FAM174A: variants seen among roughly 807,000 people sequenced by gnomAD.
The protein encoded by FAM174A is family with sequence similarity 174 member A, also known as membrane protein FAM174A.
FAM174A carries 14 observed loss-of-function variants against 14.3 expected under a neutral mutation model. That is an observed-to-expected ratio of 0.98 (90% confidence interval 0.65 to 1.53). FAM174A has a LOEUF of 1.53. Ranked by LOEUF, FAM174A falls within the 40% of genes most tolerant of loss-of-function variation. FAM174A has a pLI of 0.00. For missense variants in FAM174A, 241 were observed against 249.6 expected (o/e 0.97, Z 0.23); for synonymous variants, 108 against 111.4 (o/e 0.97, Z 0.19).
chr5:100,556,064 T>G (rs1043523947), intron 1 of FAM174A, among the ~76,000 whole-genome samples: 8 of 152,244 alleles, frequency 5.3e-5, no homozygotes, highest in African/African-American at 1.9e-4. Flanking sequence ...TCTAGGGTTT[T>G]TATGGTTTTA....
rs183864572 is a variant in FAM174A, at chr5:100,581,578, T to C, written c.570-4603T>C. 1.2e-4 allele frequency among the ~76,000 whole-genome samples: 18 copies of C among 151,490 alleles called. No individual in the cohort carries two copies. The East Asian group carries it at 2.5e-3, about 21-fold the overall frequency. ...GACCTCGCTTAAGGCTGGAAGACCA[T>C]GCTTAAGGCTGGAAGAGAATTGGCT... On this transcript the variant is annotated intron_variant, in intron 2 of 2. Transcript: ENST00000312637.
intron 2 of FAM174A, among the ~76,000 whole-genome samples, chr5:100,584,103 G>A (rs562124074): frequency 7.2e-5 from 11 of 152,178 alleles, no homozygotes; most frequent in Non-Finnish European, 1.3e-4. Context: ...CAAAGCATCA[G>A]TGGAACCAGT....
chr5:100,567,723 GT>G (rs34147840), intron 2 of FAM174A, among the ~76,000 whole-genome samples: 63,194 of 151,406 alleles, frequency 0.42, 13,572 homozygotes, highest in Admixed American at 0.47. Context: ...ATGTTCTGAT[GT>G]TTCCTCATAA....
intron 2 of FAM174A, among the ~76,000 whole-genome samples, chr5:100,582,561 T>C (rs576583136): frequency 6.6e-6 from 1 of 152,180 alleles, no homozygotes; most frequent in Admixed American, 6.5e-5. Context: ...AGGATTTAAA[T>C]TAAGTAGTAG....
chr5:100,538,888 C>A (rs995798255), intron 1 of FAM174A, among the ~76,000 whole-genome samples: 4 of 152,042 alleles, frequency 2.6e-5, no homozygotes, highest in Non-Finnish European at 5.9e-5. Context: ...GGGGGGAAAT[C>A]ACTGTAGATG....
chr5:100,541,559 C>A (rs1411387199), intron 1 of FAM174A, among the ~76,000 whole-genome samples: 1 of 151,766 alleles, frequency 6.6e-6, no homozygotes, highest in Non-Finnish European at 1.5e-5. Context: ...AATGAACTAT[C>A]CAGTCTTGTT....
At chr5:100,581,475 C>T (rs1297952796) in intron 2 of FAM174A, 2 of 750,788 alleles carry the variant, frequency 2.7e-6, no homozygotes, top group Non-Finnish European at 3.2e-6. Flanking sequence ...TATGAAGGCC[C>T]AGCATGGTGG....
intron 2 of FAM174A, among the ~76,000 whole-genome samples, chr5:100,583,990 G>A (rs1652164573): frequency 1.3e-5 from 2 of 152,316 alleles, no homozygotes; most frequent in Admixed American, 6.5e-5. Flanking sequence ...AATGCCTTCA[G>A]TGTTGAATTC....
chr5:100,554,248 T>G (rs1032265801), intron 1 of FAM174A, among the ~76,000 whole-genome samples: 1 of 151,846 alleles, frequency 6.6e-6, no homozygotes, highest in Non-Finnish European at 1.5e-5. Context: ...TGCATGCAGA[T>G]ATCATTAAAT....
intron 2 of FAM174A, among the ~76,000 whole-genome samples, chr5:100,585,456 C>T (rs1370335203): frequency 6.6e-6 from 1 of 152,058 alleles, no homozygotes; most frequent in East Asian, 1.9e-4. Flanking sequence ...CTCTGTTGCC[C>T]AGGCTGGAAT....
intron 1 of FAM174A, among the ~76,000 whole-genome samples, chr5:100,554,463 C>G (rs941927944): frequency 1.3e-5 from 2 of 151,656 alleles, no homozygotes; most frequent in Admixed American, 6.6e-5. Flanking sequence ...ATTACAGGCG[C>G]ACACCACCAT....
At position 100,554,363 on chromosome 5, in the gene FAM174A, C is replaced by G. The variant is rs6865027; in HGVS notation, c.435-7691C>G. Among the ~76,000 whole-genome samples, 1,115 of 130,602 alleles carry G rather than the reference C, an allele frequency of 8.5e-3. 10 individuals are homozygous for G. Among genetic ancestry groups the G allele is most frequent in the African/African-American group, 0.032 (1,057 of 33,488 alleles). 85.7% of individuals were successfully genotyped at this position (130,602 alleles called of 152,430 possible). A position where few individuals can be genotyped will look rare whatever the true frequency, so the allele number is the denominator to read the frequency against. ...CAGAGTCTTCACTCTGTCGCCCAGGCTGGAGTGCAGTGGCTTCATCTCAGC... is the reference window on the plus strand; with the variant it reads ...CAGAGTCTTCACTCTGTCGCCCAGGGTGGAGTGCAGTGGCTTCATCTCAGC... On this transcript the variant is annotated intron_variant, in intron 1 of 2. Coordinates refer to ENST00000312637, the MANE Select transcript of FAM174A (RefSeq NM_198507.3).
intron 2 of FAM174A, among the ~76,000 whole-genome samples, chr5:100,570,735 A>G (rs1056693112): frequency 6.6e-6 from 1 of 152,016 alleles, no homozygotes; most frequent in East Asian, 1.9e-4. Context: ...TTATATGCAT[A>G]TAATATATCA....
chr5:100,548,571 T>C (rs2112370869), intron 1 of FAM174A, among the ~76,000 whole-genome samples: 1 of 152,212 alleles, frequency 6.6e-6, no homozygotes, highest in South Asian at 2.1e-4. Context: ...ATACAATTTG[T>C]CTCAATATTT....
At chr5:100,567,012 G>A (rs1746668703) in intron 2 of FAM174A, among the ~76,000 whole-genome samples, 1 of 151,842 alleles carries the variant, frequency 6.6e-6, no homozygotes, top group Admixed American at 6.6e-5. Flanking sequence ...AGGAAAGGCA[G>A]AGAGGAGTGA....
chr5:100,542,302 T>C (rs1437861849), intron 1 of FAM174A, among the ~76,000 whole-genome samples: 3 of 152,206 alleles, frequency 2.0e-5, no homozygotes, highest in African/African-American at 4.8e-5. Flanking sequence ...TGAAACAGTA[T>C]TTTTATCCCT....
At chr5:100,568,846 C>T (rs765152566) in intron 2 of FAM174A, among the ~76,000 whole-genome samples, 2 of 151,914 alleles carry the variant, frequency 1.3e-5, no homozygotes, top group Non-Finnish European at 1.5e-5. Context: ...CTTTCCCACA[C>T]TCCTCTTCAG....
rs571945851 is a variant in FAM174A, at chr5:100,571,695, C to T, written c.569+9507C>T. 9.6e-3 allele frequency among the ~76,000 whole-genome samples: 1,057 copies of T among 110,396 alleles called. 18 individuals are homozygous for T. Among genetic ancestry groups the T allele is most frequent in the African/African-American group, 0.034 (1,007 of 30,014 alleles). 72.4% of individuals were successfully genotyped at this position (110,396 alleles called of 152,430 possible). A position where few individuals can be genotyped will look rare whatever the true frequency, so the allele number is the denominator to read the frequency against. On this transcript the variant is annotated intron_variant, in intron 2 of 2. Transcript: ENST00000312637. ...GTGTATATATATATATATATATACA[C>T]ACACACACCCTATTACTTTACTGTT...
intron 1 of FAM174A, among the ~76,000 whole-genome samples, chr5:100,557,404 T>G (rs954686751): frequency 2.0e-4 from 30 of 152,274 alleles, no homozygotes; most frequent in South Asian, 1.0e-3. Flanking sequence ...TCTCTTTTTT[T>G]GTTGTGTCTC....
Sources: gnomAD v4.1 joint callset for allele counts (sites outside exome capture counted in the v4.1 genomes callset) on GRCh38, gnomAD v4.1.1 for gene constraint, MANE v1.5 for transcripts, NCBI Gene and HGNC (gene_info 2026-07-23, HGNC 2026-07-21) for gene names.